GUCY1A2: variants seen among roughly 807,000 people sequenced by gnomAD.
GUCY1A2 encodes the protein guanylate cyclase 1 soluble subunit alpha 2.
A neutral mutation model predicts 63.5 loss-of-function variants in GUCY1A2; 27 were observed. That is an observed-to-expected ratio of 0.43 (90% confidence interval 0.31 to 0.59). GUCY1A2 has a LOEUF of 0.59. GUCY1A2 is among the 20% of genes least tolerant of loss of function. The probability of loss-of-function intolerance (pLI) is 0.11; values close to 1 mark genes in which losing one functional copy is unlikely to be tolerated. For synonymous variants in GUCY1A2, 364 were observed against 343.5 expected, an observed-to-expected ratio of 1.06 and a Z score of -0.66; for missense variants, 768 against 913.3, an observed-to-expected ratio of 0.84 and a Z score of 2.05.
At chr11:106,712,153 T>C (rs550752386) in intron 6 of GUCY1A2, among the ~76,000 whole-genome samples, 1 of 152,156 alleles carries the variant, frequency 6.6e-6, no homozygotes, top group Non-Finnish European at 1.5e-5. Flanking sequence ...ATTACACATA[T>C]GTTAGGAGCT....
chr11:106,746,589 C>G (rs1416206974), intron 6 of GUCY1A2: 2 of 1,596,824 alleles, frequency 1.3e-6, no homozygotes, highest in South Asian at 2.2e-5. Context: ...TGATGCTGAT[C>G]TGGAACCAGC....
intron 6 of GUCY1A2, among the ~76,000 whole-genome samples, chr11:106,767,069 A>ATAAC (rs1177580455): frequency 6.6e-6 from 1 of 152,134 alleles, no homozygotes; most frequent in African/African-American, 2.4e-5. Flanking sequence ...CTTTGCTAAT[A>ATAAC]TAACTTTTAG....
intron 5 of GUCY1A2, among the ~76,000 whole-genome samples, chr11:106,791,374 T>C (rs932018053): frequency 5.3e-5 from 8 of 152,248 alleles, no homozygotes; most frequent in Non-Finnish European, 1.0e-4. Flanking sequence ...GTGTCAACAA[T>C]TGAGGACTGT....
intron 3 of GUCY1A2, among the ~76,000 whole-genome samples, chr11:106,958,451 T>C (rs1861018313): frequency 6.6e-6 from 1 of 152,164 alleles, no homozygotes; most frequent in Non-Finnish European, 1.5e-5. Flanking sequence ...TAATATACCC[T>C]CATATACTAG....
intron 4 of GUCY1A2, among the ~76,000 whole-genome samples, chr11:106,881,952 T>G (rs1162300801): frequency 6.6e-6 from 1 of 151,980 alleles, no homozygotes; most frequent in Non-Finnish European, 1.5e-5. Context: ...TCAAAAATCC[T>G]TCAGAATATT....
At chr11:107,000,629 A>G (rs1861601621) in intron 1 of GUCY1A2, among the ~76,000 whole-genome samples, 1 of 152,202 alleles carries the variant, frequency 6.6e-6, no homozygotes, top group Non-Finnish European at 1.5e-5. Flanking sequence ...CTCCTGCCCT[A>G]TGAAATCAAT....
At chr11:107,009,710 G>A (rs374711124) in intron 1 of GUCY1A2, among the ~76,000 whole-genome samples, 4 of 152,162 alleles carry the variant, frequency 2.6e-5, no homozygotes, top group African/African-American at 9.7e-5. Context: ...AGGATGTGGG[G>A]ATAACAGCAC....
intron 4 of GUCY1A2, among the ~76,000 whole-genome samples, chr11:106,881,876 A>C (rs557556866): frequency 1.3e-5 from 2 of 152,104 alleles, no homozygotes; most frequent in Non-Finnish European, 1.5e-5. Context: ...ATATTATTAT[A>C]GAATTCATAC....
chr11:106,975,286 T>G (rs1331383653), intron 3 of GUCY1A2, among the ~76,000 whole-genome samples: 2 of 152,184 alleles, frequency 1.3e-5, no homozygotes, highest in Non-Finnish European at 2.9e-5. Flanking sequence ...CTTTAATACA[T>G]GCTTCATCAT....
rs1252146358 is a variant in GUCY1A2, at chr11:106,685,605, T to C, written c.*1944A>G. ...CATCAGTGAGCTTGTTCCCTCCCCATGCTCCAGTGCTACAAGGAGCCCATC... is the reference window on the plus strand; with the variant it reads ...CATCAGTGAGCTTGTTCCCTCCCCACGCTCCAGTGCTACAAGGAGCCCATC... On this transcript the variant is annotated 3_prime_UTR_variant, in exon 8 of 8. Transcript: ENST00000526355. 1 of 227,914 alleles carries C rather than the reference T, an allele frequency of 4.4e-6. No individual in the cohort carries two copies. Among genetic ancestry groups the C allele is most frequent in the Non-Finnish European group, 8.7e-6 (1 of 114,716 alleles). The allele number at this position is 227,914 out of a possible 1,614,324, so 14.1% of individuals were successfully genotyped here. A position where few individuals can be genotyped will look rare whatever the true frequency, so the allele number is the denominator to read the frequency against.
intron 4 of GUCY1A2, among the ~76,000 whole-genome samples, chr11:106,930,652 G>A (rs1373160079): frequency 1.3e-5 from 2 of 152,192 alleles, no homozygotes; most frequent in Middle Eastern, 3.2e-3. Flanking sequence ...ATACTAAGTT[G>A]ATGTCTAAGT....
intron 6 of GUCY1A2, among the ~76,000 whole-genome samples, chr11:106,723,993 G>A (rs1245485703): frequency 6.6e-6 from 1 of 152,184 alleles, no homozygotes; most frequent in East Asian, 1.9e-4. Flanking sequence ...TAATTTGACA[G>A]AAACTTGCTT....
intron 5 of GUCY1A2, among the ~76,000 whole-genome samples, chr11:106,788,235 AT>A (rs147332058): frequency 0.23 from 34,350 of 148,636 alleles, 4,209 homozygotes; most frequent in East Asian, 0.35. Flanking sequence ...AGATTATTAG[AT>A]TTTTTTTTTT....
chr11:106,814,835 A>G (rs926160603), intron 4 of GUCY1A2, among the ~76,000 whole-genome samples: 7 of 152,118 alleles, frequency 4.6e-5, no homozygotes, highest in Non-Finnish European at 8.8e-5. Flanking sequence ...TAGAATCTAG[A>G]GTCTCCTAAC....
chr11:106,891,632 A>G (rs10890619), intron 4 of GUCY1A2, among the ~76,000 whole-genome samples: 45,868 of 151,924 alleles, frequency 0.3, 7,264 homozygotes, highest in Non-Finnish European at 0.34. Context: ...GTTTTTCCAT[A>G]TAAATACTCA....
At chr11:106,832,628 T>C (rs181655501) in intron 4 of GUCY1A2, among the ~76,000 whole-genome samples, 152 of 152,210 alleles carry the variant, frequency 1.0e-3, no homozygotes, top group Non-Finnish European at 1.2e-3. Context: ...GTGCATGTGT[T>C]ATATGACACC....
intron 4 of GUCY1A2, among the ~76,000 whole-genome samples, chr11:106,938,473 TCTAATAG>T (rs1182627727): frequency 2.6e-5 from 4 of 152,170 alleles, no homozygotes; most frequent in African/African-American, 9.7e-5. Context: ...ACCTGTCATT[TCTAATAG>T]CTAATAGCTT....
intron 6 of GUCY1A2, among the ~76,000 whole-genome samples, chr11:106,731,489 C>T (rs1863504543): frequency 6.6e-6 from 1 of 151,966 alleles, no homozygotes; most frequent in South Asian, 2.1e-4. Flanking sequence ...ACAAGGATGC[C>T]CTCTCTCAAC....
intron 7 of GUCY1A2, among the ~76,000 whole-genome samples, chr11:106,688,149 C>T (rs540561903): frequency 8.5e-5 from 13 of 152,250 alleles, no homozygotes; most frequent in Non-Finnish European, 1.0e-4. Context: ...TTAAAACCTG[C>T]CCAAATTCTA....
Sources: gnomAD v4.1 joint callset for allele counts (sites outside exome capture counted in the v4.1 genomes callset) on GRCh38, gnomAD v4.1.1 for gene constraint, MANE v1.5 for transcripts, NCBI Gene and HGNC (gene_info 2026-07-23, HGNC 2026-07-21) for gene names.